The following CPQ variants were observed in gnomAD, a reference collection of about 807,000 sequenced individuals.
The protein encoded by CPQ is carboxypeptidase Q, also known as Ser-Met dipeptidase.
Under a neutral mutation model 45.7 loss-of-function variants are expected in CPQ, and 37 were observed. The ratio of observed to expected loss-of-function variants is 0.81; its 90% confidence interval spans 0.62 to 1.07. CPQ has a LOEUF of 1.07. Among genes scored for constraint, CPQ ranks in the 50% least tolerant of loss-of-function variants. The probability of loss-of-function intolerance (pLI) is 0.00; values close to 1 mark genes in which losing one functional copy is unlikely to be tolerated. For missense variants in CPQ, 537 were observed against 572.9 expected (o/e 0.94, Z 0.64); for synonymous variants, 186 against 205.8 (o/e 0.90, Z 0.82).
intron 3 of CPQ, among the ~76,000 whole-genome samples, chr8:96,857,835 A>G (rs1811870162): frequency 6.6e-6 from 1 of 151,896 alleles, no homozygotes; most frequent in Non-Finnish European, 1.5e-5. Flanking sequence ...AAGTCATGAT[A>G]ATTCTTATGC....
intron 2 of CPQ, among the ~76,000 whole-genome samples, chr8:96,789,722 A>G (rs1563497711): frequency 1.3e-5 from 2 of 152,164 alleles, no homozygotes; most frequent in Non-Finnish European, 2.9e-5. Context: ...AAATAATTTT[A>G]TTTTTAAGCG....
At chr8:96,693,540 A>C (rs1342589711) in intron 1 of CPQ, among the ~76,000 whole-genome samples, 2 of 152,198 alleles carry the variant, frequency 1.3e-5, no homozygotes, top group African/African-American at 2.4e-5. Context: ...TTTACAGGCC[A>C]GGAGAGAGTG....
chr8:97,032,476 A>T (rs1482723277), intron 6 of CPQ, among the ~76,000 whole-genome samples: 2 of 152,246 alleles, frequency 1.3e-5, no homozygotes. Flanking sequence ...GCATACAGGC[A>T]CTGGCTGAGC....
chr8:96,680,394 T>G (rs1232184937), intron 1 of CPQ: 3 of 152,172 alleles, frequency 2.0e-5, no homozygotes, highest in Admixed American at 2.0e-4. Context: ...CTCATGCTAT[T>G]CTCATGATAG....
intron 4 of CPQ, among the ~76,000 whole-genome samples, chr8:96,913,887 A>G (rs1342499646): frequency 6.6e-6 from 1 of 152,218 alleles, no homozygotes; most frequent in African/African-American, 2.4e-5. Flanking sequence ...TTGCAAAATA[A>G]TATTTCCTAA....
intron 1 of CPQ, among the ~76,000 whole-genome samples, chr8:96,759,390 C>T (rs183931973): frequency 5.5e-4 from 83 of 152,230 alleles, no homozygotes; most frequent in Middle Eastern, 3.4e-3. Flanking sequence ...AACCCTTCTT[C>T]GAAGTGTGAT....
chr8:96,910,757 G>T (rs545118076), intron 4 of CPQ, among the ~76,000 whole-genome samples: 1 of 152,236 alleles, frequency 6.6e-6, no homozygotes, highest in East Asian at 1.9e-4. Flanking sequence ...GCCTGCCTTG[G>T]CCTCCCAAAG....
intron 5 of CPQ, among the ~76,000 whole-genome samples, chr8:97,023,528 T>C (rs1809746088): frequency 6.6e-6 from 1 of 152,170 alleles, no homozygotes; most frequent in Non-Finnish European, 1.5e-5. Flanking sequence ...AGTGGAAAAC[T>C]GGGCTAGGCC....
chr8:96,877,277 T>C (rs1162690314), intron 3 of CPQ, among the ~76,000 whole-genome samples: 1 of 152,200 alleles, frequency 6.6e-6, no homozygotes, highest in Non-Finnish European at 1.5e-5. Flanking sequence ...TTTTATATCT[T>C]AAATTAAAAT....
intron 5 of CPQ, among the ~76,000 whole-genome samples, chr8:97,002,326 G>T (rs1399838757): frequency 6.6e-6 from 1 of 151,876 alleles, no homozygotes; most frequent in East Asian, 1.9e-4. Flanking sequence ...CTTGCTCTTG[G>T]TTCTCTAGTT....
At chr8:97,031,061 A>G (rs1809893621) in intron 6 of CPQ, among the ~76,000 whole-genome samples, 1 of 152,132 alleles carries the variant, frequency 6.6e-6, no homozygotes, top group Non-Finnish European at 1.5e-5. Flanking sequence ...AGAAGAACAT[A>G]TGAATCATAT....
At chr8:97,135,597 C>T (rs1000920940) in intron 7 of CPQ, among the ~76,000 whole-genome samples, 2 of 152,046 alleles carry the variant, frequency 1.3e-5, no homozygotes, top group African/African-American at 2.4e-5. Flanking sequence ...TCTAGAGGGA[C>T]TAAGTTTTCT....
intron 1 of CPQ, among the ~76,000 whole-genome samples, chr8:96,755,117 G>A (rs1810313761): frequency 6.6e-6 from 1 of 151,680 alleles, no homozygotes; most frequent in African/African-American, 2.4e-5. Flanking sequence ...TTCTTGATTA[G>A]TAATGAAAAT....
chr8:97,099,125 T>A (rs1269437844), intron 7 of CPQ, among the ~76,000 whole-genome samples: 1 of 124,454 alleles, frequency 8.0e-6, no homozygotes, highest in Admixed American at 8.1e-5. Context: ...CTTTTTTTTT[T>A]TTTTTTTTTT....
At chr8:97,107,910 G>A (rs1317307589) in intron 7 of CPQ, among the ~76,000 whole-genome samples, 4 of 152,206 alleles carry the variant, frequency 2.6e-5, no homozygotes, top group African/African-American at 4.8e-5. Flanking sequence ...AAGAGGCTGT[G>A]GTGTGCAAGT....
intron 1 of CPQ, among the ~76,000 whole-genome samples, chr8:96,756,719 A>T (rs1563489162): frequency 6.6e-6 from 1 of 152,130 alleles, no homozygotes; most frequent in South Asian, 2.1e-4. Flanking sequence ...TTTTTTCTTG[A>T]GAAAAGAAAC....
At chr8:96,671,494 A>G (rs1030390594) in intron 1 of CPQ, among the ~76,000 whole-genome samples, 6 of 152,196 alleles carry the variant, frequency 3.9e-5, no homozygotes, top group Admixed American at 1.3e-4. Context: ...TTGCTTCACT[A>G]CAGTACCAAC....
intron 7 of CPQ, among the ~76,000 whole-genome samples, chr8:97,140,681 A>G (rs1248759881): frequency 6.6e-6 from 1 of 152,066 alleles, no homozygotes; most frequent in East Asian, 1.9e-4. Flanking sequence ...AAATCCAAAA[A>G]TACTTTTGGA....
chr8:97,050,046 G>A (rs534054999), intron 6 of CPQ, among the ~76,000 whole-genome samples: 2 of 152,142 alleles, frequency 1.3e-5, no homozygotes, highest in East Asian at 3.9e-4. Context: ...AACTCTAAGG[G>A]AGCTTTTGGC....
Sources: allele counts gnomAD v4.1 joint callset (sites outside exome capture counted in the v4.1 genomes callset), GRCh38; gene constraint gnomAD v4.1.1; transcripts MANE v1.5; gene names NCBI Gene and HGNC (gene_info 2026-07-23, HGNC 2026-07-21).